The following SNCAIP variants were observed in gnomAD, a reference collection of about 807,000 sequenced individuals.
SNCAIP encodes synuclein alpha interacting protein.
SNCAIP carries 43 observed loss-of-function variants against 86.7 expected under a neutral mutation model. The ratio of observed to expected loss-of-function variants is 0.50; its 90% CI spans 0.39 to 0.64. The LOEUF is 0.64. SNCAIP is among the 30% of genes least tolerant of loss of function. The pLI, the probability that SNCAIP is intolerant of heterozygous loss-of-function variation, is 0.00. For synonymous variants in SNCAIP, 417 were observed against 427.2 expected, an observed-to-expected ratio of 0.98 and a Z score of 0.29; for missense variants, 981 against 1,103.1, an observed-to-expected ratio of 0.89 and a Z score of 1.57.
At chr5:122,349,110 T>C (rs1759254296) in intron 1 of SNCAIP, among the ~76,000 whole-genome samples, 1 of 152,194 alleles carries the variant, frequency 6.6e-6, no homozygotes, top group South Asian at 2.1e-4. Flanking sequence ...CCACTCTGAA[T>C]TTTCTATCAC....
intron 1 of SNCAIP, chr5:122,389,089 A>G (rs1344375144): frequency 6.6e-6 from 1 of 152,254 alleles, no homozygotes. Context: ...GTTATATTCT[A>G]TTGGAATGGC....
At chr5:122,367,741 T>A (rs1205595775) in intron 1 of SNCAIP, among the ~76,000 whole-genome samples, 3 of 152,104 alleles carry the variant, frequency 2.0e-5, no homozygotes, top group Non-Finnish European at 4.4e-5. Flanking sequence ...CCTGTATTAC[T>A]GTGTGTGTGA....
At chr5:122,416,812 G>A (rs1775405113) in intron 3 of SNCAIP, among the ~76,000 whole-genome samples, 1 of 152,050 alleles carries the variant, frequency 6.6e-6, no homozygotes, top group Admixed American at 6.6e-5. Context: ...CCCTCCTTTT[G>A]CTGTGAAAAT....
At chr5:122,325,663 A>C (rs1202493777) in intron 1 of SNCAIP, among the ~76,000 whole-genome samples, 1 of 152,218 alleles carries the variant, frequency 6.6e-6, no homozygotes, top group Non-Finnish European at 1.5e-5. Context: ...ACACTGTAAG[A>C]ATGGCAGGAT....
At chr5:122,460,423 A>G (rs914215086) in intron 10 of SNCAIP, among the ~76,000 whole-genome samples, 1 of 152,162 alleles carries the variant, frequency 6.6e-6, no homozygotes, top group African/African-American at 2.4e-5. Context: ...TGGCTCCTAA[A>G]TCCGTATTTT....
intron 1 of SNCAIP, among the ~76,000 whole-genome samples, chr5:122,322,931 AAT>A (rs1405876618): frequency 1.3e-5 from 2 of 152,198 alleles, no homozygotes; most frequent in African/African-American, 4.8e-5. Flanking sequence ...TTGCAACTAA[AAT>A]ATATTTCTTC....
At chr5:122,440,602 G>T (rs1436352501) in intron 6 of SNCAIP, 27 bp from the exon 7 acceptor site, 7 of 1,609,102 alleles carry the variant, frequency 4.4e-6, no homozygotes, top group East Asian at 2.2e-5. Context: ...GATATTACAT[G>T]AATTCCAACT....
At chr5:122,321,719 C>G (rs887864861) in intron 1 of SNCAIP, 1 of 152,144 alleles carries the variant, frequency 6.6e-6, no homozygotes, top group Non-Finnish European at 1.5e-5. Flanking sequence ...GGCTCTGTTC[C>G]CCCATCGCAG....
chr5:122,461,504 ATTC>A (rs1280982816), intron 10 of SNCAIP, among the ~76,000 whole-genome samples: 1 of 151,880 alleles, frequency 6.6e-6, no homozygotes, highest in Admixed American at 6.6e-5. Context: ...TTTTCTAATG[ATTC>A]TTCTCTATTT....
chr5:122,442,112 C>T (rs202074419), intron 7 of SNCAIP, among the ~76,000 whole-genome samples: 48 of 65,726 alleles, frequency 7.3e-4, no homozygotes, highest in African/African-American at 8.7e-4. Context: ...AAGCAGTACT[C>T]TTTTTTTTTT....
chr5:122,413,543 G>C (rs1311974858), intron 3 of SNCAIP, among the ~76,000 whole-genome samples: 1 of 151,864 alleles, frequency 6.6e-6, no homozygotes, highest in African/African-American at 2.4e-5. Context: ...ATTTACCTGT[G>C]TACTTGCATC....
intron 1 of SNCAIP, among the ~76,000 whole-genome samples, chr5:122,319,202 T>C (rs1382844527): frequency 6.6e-6 from 1 of 151,940 alleles, no homozygotes; most frequent in African/African-American, 2.4e-5. Flanking sequence ...TAAAACATTA[T>C]AGCTGCCTTC....
intron 8 of SNCAIP, among the ~76,000 whole-genome samples, chr5:122,447,597 A>T (rs187756224): frequency 2.0e-5 from 3 of 152,342 alleles, no homozygotes; most frequent in Admixed American, 2.0e-4. Flanking sequence ...CCCTCAATAA[A>T]TATTTTTCTT....
intron 1 of SNCAIP, among the ~76,000 whole-genome samples, chr5:122,352,282 A>C (rs781560055): frequency 3.3e-5 from 5 of 152,164 alleles, no homozygotes; most frequent in Non-Finnish European, 7.3e-5. Context: ...TTTTTAAAAG[A>C]ATATGTTTTT....
intron 6 of SNCAIP, 107 bp downstream of exon 6, chr5:122,432,189 A>G: frequency 2.8e-6 from 2 of 707,408 alleles, no homozygotes; most frequent in South Asian, 3.1e-5. Context: ...TCAAAAATGT[A>G]TCCAAAGGTA....
At chr5:122,458,898 A>G (rs1480593924) in intron 10 of SNCAIP, among the ~76,000 whole-genome samples, 2 of 152,142 alleles carry the variant, frequency 1.3e-5, no homozygotes, top group Non-Finnish European at 2.9e-5. Flanking sequence ...GTGTACTCCC[A>G]GTGTCTTGCT....
intron 1 of SNCAIP, among the ~76,000 whole-genome samples, chr5:122,387,995 T>G (rs890602893): frequency 9.9e-5 from 15 of 152,236 alleles, no homozygotes; most frequent in African/African-American, 3.4e-4. Flanking sequence ...ATGGTTGTAC[T>G]TATGTTTAAT....
chr5:122,352,861 A>G (rs1432292762), intron 1 of SNCAIP, among the ~76,000 whole-genome samples: 1 of 152,174 alleles, frequency 6.6e-6, no homozygotes, highest in African/African-American at 2.4e-5. Context: ...AAACTTGAAT[A>G]AAAAAGAGAA....
rs537834001 is a variant in SNCAIP, at chr5:122,392,615, C to G, written c.57+1424C>G. Among the ~76,000 whole-genome samples the G allele has an allele frequency of 2.8e-4, 42 of 152,286 alleles. 1 individual carries two copies. In the South Asian group the frequency reaches 8.7e-3, roughly 32 times the overall value. On this transcript the variant is annotated intron_variant, in intron 2 of 10. Transcript: ENST00000261368. The stretch of plus-strand genomic sequence containing the variant: ...GTTATGATTGGGAGTTAGGTGGTAG[C>G]TCTCCGAACTTTGATAATGATGTTG...
Sources: allele counts gnomAD v4.1 joint callset (sites outside exome capture counted in the v4.1 genomes callset), GRCh38; gene constraint gnomAD v4.1.1; transcripts MANE v1.5; gene names NCBI Gene and HGNC (gene_info 2026-07-23, HGNC 2026-07-21).